DLGAP4: variants seen among roughly 807,000 people sequenced by gnomAD.
DLGAP4 encodes DLG associated protein 4, also known as disks large-associated protein 4.
DLGAP4 carries 18 observed loss-of-function variants against 86.9 expected under a neutral mutation model. The ratio of observed to expected loss-of-function variants is 0.21; its 90% confidence interval spans 0.14 to 0.31. The LOEUF is 0.31. DLGAP4 is among the 10% of genes least tolerant of loss of function. DLGAP4 has a pLI of 1.00. For synonymous variants in DLGAP4, 548 were observed against 574.3 expected (o/e 0.95, Z 0.65); for missense variants, 1,085 against 1,362.6 (o/e 0.80, Z 3.21).
chr20:36,525,990 C>A lies in DLGAP4; in HGVS notation c.2744C>A (p.Thr915Asn). The change falls in exon 12 of 13, where the codon ACC (threonine) becomes AAC (asparagine). Residue 915 changes from threonine to asparagine, a missense_variant. By Grantham distance (65) the Thr-to-Asn change is moderately conservative. This residue lies in a region of DLGAP4 where 1,082 missense variants were observed against 1,344.1 expected (regional missense o/e 0.81). Coordinates refer to ENST00000339266, the MANE Select transcript of DLGAP4 (RefSeq NM_001365621.2). ...LKANSWQLVETPEKRKEEKKP... is the reference protein window; with the variant it reads ...LKANSWQLVENPEKRKEEKKP... Reference sequence around the variant, plus strand: ...GCCAACAGCTGGCAGCTGGTGGAGACCCCCGAGAAGAGGAAGGTGAGCATG... The same window carrying A: ...GCCAACAGCTGGCAGCTGGTGGAGAACCCCGAGAAGAGGAAGGTGAGCATG... 10 of 1,613,926 alleles carry A rather than the reference C, an allele frequency of 6.2e-6. No individual in the cohort carries two copies. The highest frequency in any genetic ancestry group is 8.5e-6 in the Non-Finnish European group (10 of 1,180,002).
chr20:36,320,537 C>T (rs1342911878), intron 1 of DLGAP4, among the ~76,000 whole-genome samples: 1 of 152,094 alleles, frequency 6.6e-6, no homozygotes, highest in Admixed American at 6.5e-5. Flanking sequence ...CTGCGTCATG[C>T]CCCCCACTCC....
At chr20:36,312,154 T>A (rs1490189135) in intron 1 of DLGAP4, among the ~76,000 whole-genome samples, 1 of 152,138 alleles carries the variant, frequency 6.6e-6, no homozygotes, top group African/African-American at 2.4e-5. Context: ...CTGTGGCCTC[T>A]CTCCCGGCTC....
At chr20:36,323,203 A>G (rs974208071) in intron 1 of DLGAP4, among the ~76,000 whole-genome samples, 6 of 147,748 alleles carry the variant, frequency 4.1e-5, no homozygotes, top group African/African-American at 1.5e-4. Flanking sequence ...AAAAAAAAAA[A>G]GATATAGGAT....
chr20:36,359,464 T>C (rs1248618408), intron 1 of DLGAP4, among the ~76,000 whole-genome samples: 1 of 152,224 alleles, frequency 6.6e-6, no homozygotes, highest in Non-Finnish European at 1.5e-5. Context: ...CATGTGTTAT[T>C]TTAAGCCCTG....
At chr20:36,404,046 C>A (rs2032239898) in intron 2 of DLGAP4, among the ~76,000 whole-genome samples, 1 of 152,208 alleles carries the variant, frequency 6.6e-6, no homozygotes, top group South Asian at 2.1e-4. Context: ...CTGTTAGTTA[C>A]CCGGGTCAAC....
rs220079 is a variant in DLGAP4 at position 36,527,739 on chromosome 20, G to A, written c.*708G>A. ...ACTCACTCACCGCTGAGCAGATGAGGGAAGTTTTAGTCTTGGCGGGTGGAA... is the reference window on the plus strand; with the variant it reads ...ACTCACTCACCGCTGAGCAGATGAGAGAAGTTTTAGTCTTGGCGGGTGGAA... On this transcript the variant is annotated 3_prime_UTR_variant, in exon 13 of 13. Transcript: ENST00000339266. 95,792 of 152,572 alleles carry A rather than the reference G, an allele frequency of 0.63. 32,371 individuals are homozygous for A. The highest frequency in any genetic ancestry group is 0.77 in the Non-Finnish European group (52,452 of 68,022). 9.5% of individuals were successfully genotyped at this position (152,572 alleles called of 1,614,324 possible). A position where few individuals can be genotyped will look rare whatever the true frequency, so the allele number is the denominator to read the frequency against.
chr20:36,437,989 G>A (rs1016562138), intron 4 of DLGAP4, among the ~76,000 whole-genome samples: 1 of 152,072 alleles, frequency 6.6e-6, no homozygotes, highest in Admixed American at 6.6e-5. Flanking sequence ...TTCACTTGTC[G>A]ACCTCCTGTG....
intron 1 of DLGAP4, among the ~76,000 whole-genome samples, chr20:36,315,043 G>GT: frequency 5.3e-4 from 1 of 1,884 alleles, no homozygotes; most frequent in Non-Finnish European, 1.2e-3. Context: ...TGTGTGTGGT[G>GT]TGTTGCGCCC....
Position 36,431,602 on chromosome 20 carries a change from C to A in DLGAP4, c.-72-44C>A. The A allele has an allele frequency of 1.6e-6, 2 of 1,240,682 alleles. No homozygotes were observed. Among genetic ancestry groups the A allele is most frequent in the Middle Eastern group, 2.7e-4 (1 of 3,746 alleles). The allele number at this position is 1,240,682 out of a possible 1,614,324, so 76.9% of individuals were successfully genotyped here. ...TGACCTTCCCGGCACCCCTCCCCGA[C>A]AATCCAGCTGACCAGCTGACCGCTT... is the stretch of plus-strand genomic sequence containing the variant. On this transcript the variant is annotated intron_variant, in intron 2 of 12. Transcript: ENST00000339266. The surrounding 1 kb of genome is among the most constrained non-coding windows in gnomAD (Gnocchi z 5.1).
intron 10 of DLGAP4, among the ~76,000 whole-genome samples, chr20:36,503,090 TTC>T (rs2036212627): frequency 6.6e-6 from 1 of 152,194 alleles, no homozygotes; most frequent in Non-Finnish European, 1.5e-5. Context: ...GCTCTAGAAT[TTC>T]TGTCAGTTAG....
chr20:36,335,791 C>T (rs2065315624), intron 1 of DLGAP4, among the ~76,000 whole-genome samples: 1 of 152,150 alleles, frequency 6.6e-6, no homozygotes, highest in Non-Finnish European at 1.5e-5. Context: ...TGTGGAGCTG[C>T]CCCCTCTGGG....
At chr20:36,379,186 A>ATGG (rs2031278145) in intron 2 of DLGAP4, among the ~76,000 whole-genome samples, 1 of 152,038 alleles carries the variant, frequency 6.6e-6, no homozygotes, top group African/African-American at 2.4e-5. Flanking sequence ...CAAATGCTGG[A>ATGG]TGGGTAAAGT....
intron 2 of DLGAP4, among the ~76,000 whole-genome samples, chr20:36,380,628 AG>A (rs2031349443): frequency 7.7e-6 from 1 of 130,604 alleles, no homozygotes; most frequent in Non-Finnish European, 1.7e-5. Flanking sequence ...AGAGAGAGAG[AG>A]AGAGAGAGAG....
chr20:36,515,335 A>G (rs2036974069), intron 10 of DLGAP4, among the ~76,000 whole-genome samples: 1 of 152,242 alleles, frequency 6.6e-6, no homozygotes, highest in African/African-American at 2.4e-5. Context: ...TATTATGACT[A>G]TTACAGTAGC....
intron 2 of DLGAP4, among the ~76,000 whole-genome samples, chr20:36,385,589 A>T (rs1178312986): frequency 6.6e-6 from 1 of 152,190 alleles, no homozygotes; most frequent in Admixed American, 6.5e-5. Context: ...GCTGACAGAC[A>T]TTCCTTCGGG....
At chr20:36,370,477 C>A (rs1366020943) in intron 2 of DLGAP4, among the ~76,000 whole-genome samples, 1 of 151,150 alleles carries the variant, frequency 6.6e-6, no homozygotes, top group African/African-American at 2.4e-5. Context: ...CAGAGTGAGA[C>A]CCTGTCTCAA....
intron 2 of DLGAP4, among the ~76,000 whole-genome samples, chr20:36,404,949 C>T (rs1027525159): frequency 6.6e-6 from 1 of 152,102 alleles, no homozygotes; most frequent in Non-Finnish European, 1.5e-5. Flanking sequence ...AGTTGAGGAG[C>T]GGGTCAGGGA....
At chr20:36,429,893 G>A (rs1447561469) in intron 2 of DLGAP4, among the ~76,000 whole-genome samples, 2 of 152,210 alleles carry the variant, frequency 1.3e-5, no homozygotes, top group African/African-American at 4.8e-5. Flanking sequence ...GTCAGCCAGA[G>A]CCTTTGTGCT....
intron 1 of DLGAP4, among the ~76,000 whole-genome samples, chr20:36,323,809 G>A (rs1555890816): frequency 6.6e-6 from 1 of 152,214 alleles, no homozygotes; most frequent in Non-Finnish European, 1.5e-5. Flanking sequence ...TCCCCCGCAT[G>A]CGTAGTTCAC....
Sources: gnomAD v4.1 joint callset for allele counts (sites outside exome capture counted in the v4.1 genomes callset) on GRCh38, gnomAD v4.1.1 for gene constraint, gnomAD v4.1.1 regional missense constraint, Gnocchi (gnomAD v3.1) non-coding constraint, MANE v1.5 for transcripts, NCBI Gene and HGNC (gene_info 2026-07-23, HGNC 2026-07-21) for gene names.